The following NCKAP5 variants were observed in gnomAD, a reference collection of about 807,000 sequenced individuals.
NCKAP5 encodes NCK associated protein 5, also known as nck-associated protein 5.
Under a neutral mutation model 167.0 loss-of-function variants are expected in NCKAP5, and 92 were observed. The observed-to-expected ratio is 0.55, with a 90% CI of 0.47 to 0.66. The LOEUF is 0.66. NCKAP5 is among the 30% of genes least tolerant of loss of function. The pLI is 0.00. For synonymous variants in NCKAP5, 891 were observed against 877.4 expected (o/e 1.02, Z -0.27); for missense variants, 2,378 against 2,315.0 (o/e 1.03, Z -0.56).
intron 12 of NCKAP5, among the ~76,000 whole-genome samples, chr2:132,791,121 A>C (rs934476321): frequency 1.3e-5 from 2 of 152,162 alleles, no homozygotes; most frequent in Admixed American, 1.3e-4. Context: ...TGTCCTCTTT[A>C]TAGAGGGTGC....
intron 3 of NCKAP5, among the ~76,000 whole-genome samples, chr2:133,306,991 C>T (rs1297551751): frequency 6.6e-6 from 1 of 152,212 alleles, no homozygotes; most frequent in Non-Finnish European, 1.5e-5. Flanking sequence ...CCCTTGATGT[C>T]AGTGTTCACT....
chr2:132,752,111 A>AT (rs78231603), intron 16 of NCKAP5, among the ~76,000 whole-genome samples: 5,552 of 152,290 alleles, frequency 0.036, 264 homozygotes, highest in East Asian at 0.16. Flanking sequence ...TGAAGTCATC[A>AT]TTTTTTGCCC....
chr2:133,280,988 T>G (rs982621122), intron 4 of NCKAP5, among the ~76,000 whole-genome samples: 4 of 152,206 alleles, frequency 2.6e-5, no homozygotes, highest in Non-Finnish European at 5.9e-5. Context: ...AAACTATTAA[T>G]GATTATAATT....
At chr2:132,700,288 G>A (rs1248283823) in intron 19 of NCKAP5, among the ~76,000 whole-genome samples, 1 of 150,038 alleles carries the variant, frequency 6.7e-6, no homozygotes, top group African/African-American at 2.5e-5. Context: ...TGTTCACTCT[G>A]ATGGTAGTTT....
intron 4 of NCKAP5, among the ~76,000 whole-genome samples, chr2:133,298,469 C>G (rs1039977824): frequency 7.9e-5 from 12 of 152,178 alleles, no homozygotes; most frequent in African/African-American, 2.9e-4. Context: ...TTTATGTTAA[C>G]TCCATGCCTG....
chr2:133,255,263 T>C (rs1165610248), intron 4 of NCKAP5, among the ~76,000 whole-genome samples: 2 of 152,198 alleles, frequency 1.3e-5, no homozygotes, highest in African/African-American at 4.8e-5. Context: ...CCTGCCTCCT[T>C]CCAGGATAAA....
chr2:133,332,394 C>A (rs548775565), intron 3 of NCKAP5, among the ~76,000 whole-genome samples: 1 of 152,050 alleles, frequency 6.6e-6, no homozygotes, highest in African/African-American at 2.4e-5. Flanking sequence ...TTTTTAGAAT[C>A]AAAAACCAAT....
chr2:133,614,483 C>T, the NCKAP5 span, among the ~76,000 whole-genome samples: 4 of 151,702 alleles, frequency 2.6e-5, no homozygotes, highest in South Asian at 4.2e-4. Context: ...AACCAAGGCT[C>T]GAGAACTACG....
intron 7 of NCKAP5, among the ~76,000 whole-genome samples, chr2:132,967,481 TC>T (rs2076707678): frequency 6.6e-6 from 1 of 152,078 alleles, no homozygotes; most frequent in South Asian, 2.1e-4. Context: ...TTTAAAAGGC[TC>T]CTAGTCAAGA....
chr2:133,552,652 G>A lies in NCKAP5; in HGVS notation c.-62+6398C>T, dbSNP rs1479768121. ...GGAGATATACCTAATGCTAGATGAC[G>A]AGTTAGTGGGTGCAGTGCACCAGCA... On this transcript the variant is annotated intron_variant, in intron 2 of 19. Transcript: ENST00000409261. Among the ~76,000 whole-genome samples the A allele has an allele frequency of 8.5e-5, 12 of 141,722 alleles. 1 individual carries two copies. The highest frequency in any genetic ancestry group is 2.4e-4 in the African/African-American group (9 of 37,982). 93.0% of individuals were successfully genotyped at this position (141,722 alleles called of 152,430 possible).
chr2:132,805,556 G>C (rs891680043), intron 11 of NCKAP5, among the ~76,000 whole-genome samples: 1 of 151,490 alleles, frequency 6.6e-6, no homozygotes, highest in Non-Finnish European at 1.5e-5. Flanking sequence ...ATTGGTATTT[G>C]ATTGGTATTG....
intron 3 of NCKAP5, among the ~76,000 whole-genome samples, chr2:133,482,735 G>A (rs1374302727): frequency 6.6e-6 from 1 of 151,906 alleles, no homozygotes; most frequent in Non-Finnish European, 1.5e-5. Context: ...TTTCATGGTG[G>A]CTTTACTAGT....
At chr2:133,132,116 C>T (rs1295983955) in intron 5 of NCKAP5, among the ~76,000 whole-genome samples, 3 of 151,830 alleles carry the variant, frequency 2.0e-5, no homozygotes, top group Admixed American at 6.6e-5. Context: ...GGTGAAACCC[C>T]GTCTCTACTA....
At chr2:133,437,869 A>C (rs138453581) in intron 3 of NCKAP5, among the ~76,000 whole-genome samples, 1 of 152,240 alleles carries the variant, frequency 6.6e-6, no homozygotes, top group Non-Finnish European at 1.5e-5. Context: ...AGAGTTTAGC[A>C]TGGTGCCTGT....
intron 4 of NCKAP5, among the ~76,000 whole-genome samples, chr2:133,295,548 AAT>A (rs1679900618): frequency 6.6e-6 from 1 of 152,142 alleles, no homozygotes; most frequent in Admixed American, 6.5e-5. Flanking sequence ...TGTTTCTTGG[AAT>A]ATACTCAGGA....
At chr2:133,574,844 A>G in the NCKAP5 span, among the ~76,000 whole-genome samples, 1 of 152,060 alleles carries the variant, frequency 6.6e-6, no homozygotes, top group Non-Finnish European at 1.5e-5. Context: ...AATGGCAGAA[A>G]TTGGGTAGGG....
At chr2:133,171,564 G>C (rs1417511176) in intron 5 of NCKAP5, among the ~76,000 whole-genome samples, 1 of 152,132 alleles carries the variant, frequency 6.6e-6, no homozygotes, top group Non-Finnish European at 1.5e-5. Flanking sequence ...AACTCAACTA[G>C]GATTATGGAT....
chr2:133,504,615 G>T (rs939998976), intron 3 of NCKAP5, among the ~76,000 whole-genome samples: 1 of 151,928 alleles, frequency 6.6e-6, no homozygotes, highest in Non-Finnish European at 1.5e-5. Context: ...GTTACCTTTG[G>T]TGATAATAAA....
intron 10 of NCKAP5, among the ~76,000 whole-genome samples, chr2:132,868,719 GCTTT>G (rs981153609): frequency 1.6e-4 from 25 of 152,074 alleles, no homozygotes; most frequent in African/African-American, 5.3e-4. Flanking sequence ...CCTTCAAAAG[GCTTT>G]CTATTATTTT....
Sources: gnomAD v4.1 joint callset for allele counts (sites outside exome capture counted in the v4.1 genomes callset) on GRCh38, gnomAD v4.1.1 for gene constraint, MANE v1.5 for transcripts, NCBI Gene and HGNC (gene_info 2026-07-23, HGNC 2026-07-21) for gene names.